The following SOX5 variants were observed in gnomAD, a reference collection of about 807,000 sequenced individuals.
The protein encoded by SOX5 is SRY-box transcription factor 5.
SOX5 carries 9 observed loss-of-function variants against 92.0 expected under a neutral mutation model. The observed-to-expected ratio is 0.10, with a 90% CI of 0.06 to 0.17. SOX5 has a LOEUF of 0.17. Ranked by LOEUF, SOX5 falls within the 10% of genes least tolerant of loss-of-function variation. SOX5 has a pLI of 1.00. For missense variants in SOX5, 642 were observed against 944.5 expected, an observed-to-expected ratio of 0.68 and a Z score of 4.20; for synonymous variants, 344 against 336.3, an observed-to-expected ratio of 1.02 and a Z score of -0.25.
chr12:24,211,991 T>C (rs1273120477), intron 4 of SOX5, among the ~76,000 whole-genome samples: 1 of 152,224 alleles, frequency 6.6e-6, no homozygotes, highest in African/African-American at 2.4e-5. Flanking sequence ...AAACTAAAAA[T>C]TTGGGAATGT....
chr12:24,006,566 G>C (rs1225487194), intron 4 of SOX5, among the ~76,000 whole-genome samples: 4 of 151,988 alleles, frequency 2.6e-5, no homozygotes, highest in Non-Finnish European at 4.4e-5. Context: ...CCTGTGTTCT[G>C]TGCCTGGACC....
intron 12 of SOX5, among the ~76,000 whole-genome samples, chr12:23,544,338 C>T (rs1428270782): frequency 6.6e-6 from 1 of 152,138 alleles, no homozygotes; most frequent in Admixed American, 6.6e-5. Context: ...ATAAGGAGAA[C>T]CAGTAGAACT....
chr12:24,340,073 T>C (rs892578770), intron 2 of SOX5, among the ~76,000 whole-genome samples: 1 of 152,200 alleles, frequency 6.6e-6, no homozygotes, highest in Non-Finnish European at 1.5e-5. Context: ...CATCAGCCCA[T>C]GTCCAGTCCT....
chr12:23,731,275 G>C (rs953455110), intron 6 of SOX5, among the ~76,000 whole-genome samples: 14 of 152,132 alleles, frequency 9.2e-5, no homozygotes, highest in Non-Finnish European at 1.6e-4. Flanking sequence ...GCCTCCCAGG[G>C]TCTCCAGCTT....
chr12:24,049,645 T>G (rs1027943228), intron 4 of SOX5, among the ~76,000 whole-genome samples: 3 of 9,560 alleles, frequency 3.1e-4, no homozygotes, highest in Admixed American at 1.5e-3. Context: ...ATAGTTTTTT[T>G]TTTTTTTTTT....
intron 1 of SOX5, among the ~76,000 whole-genome samples, chr12:24,386,148 A>C (rs1208154480): frequency 6.6e-6 from 1 of 152,090 alleles, no homozygotes; most frequent in Non-Finnish European, 1.5e-5. Context: ...GAGGAAAAAA[A>C]TTGGTTCCAT....
At chr12:24,351,634 C>T (rs1452548135) in intron 2 of SOX5, among the ~76,000 whole-genome samples, 1 of 152,184 alleles carries the variant, frequency 6.6e-6, no homozygotes, top group Non-Finnish European at 1.5e-5. Flanking sequence ...TGAATGAACA[C>T]ATTACCCAGT....
intron 1 of SOX5, among the ~76,000 whole-genome samples, chr12:24,488,017 G>A (rs1349778150): frequency 1.3e-5 from 2 of 152,090 alleles, no homozygotes; most frequent in African/African-American, 4.8e-5. Context: ...ACACAGTAGA[G>A]GAAAACTATA....
intron 4 of SOX5, among the ~76,000 whole-genome samples, chr12:23,970,234 T>C (rs1366338942): frequency 6.6e-6 from 1 of 151,920 alleles, no homozygotes; most frequent in East Asian, 1.9e-4. Context: ...TGACTTCTTT[T>C]TTTTTTGGTT....
intron 4 of SOX5, among the ~76,000 whole-genome samples, chr12:24,000,800 CTG>C (rs1403187415): frequency 6.6e-6 from 1 of 151,954 alleles, no homozygotes; most frequent in East Asian, 1.9e-4. Context: ...TATATGCTGA[CTG>C]TAAGAAATAC....
chr12:23,893,686 T>C (rs1220459925), intron 2 of SOX5, among the ~76,000 whole-genome samples: 1 of 152,186 alleles, frequency 6.6e-6, no homozygotes, highest in Non-Finnish European at 1.5e-5. Flanking sequence ...AATTAGATAC[T>C]TTCTGAAAGA....
chr12:23,620,767 T>C (rs2077078021), intron 8 of SOX5, among the ~76,000 whole-genome samples: 1 of 152,106 alleles, frequency 6.6e-6, no homozygotes, highest in Non-Finnish European at 1.5e-5. Flanking sequence ...TCATTTTCAA[T>C]TGCACAGGAC....
chr12:24,310,135 G>A (rs546589564), intron 2 of SOX5, among the ~76,000 whole-genome samples: 198 of 152,204 alleles, frequency 1.3e-3, no homozygotes, highest in Middle Eastern at 3.4e-3. Context: ...TTTACATGTC[G>A]TAAATAGTTT....
At chr12:24,067,970 C>T (rs529276675) in intron 4 of SOX5, among the ~76,000 whole-genome samples, 46 of 150,414 alleles carry the variant, frequency 3.1e-4, no homozygotes, top group African/African-American at 1.0e-3. Flanking sequence ...CACGGTGAAA[C>T]CCCGTCTCTA....
intron 4 of SOX5, among the ~76,000 whole-genome samples, chr12:24,090,756 T>C (rs985437455): frequency 5.9e-5 from 9 of 152,180 alleles, no homozygotes; most frequent in Non-Finnish European, 1.3e-4. Flanking sequence ...GATGACACAA[T>C]GTAGGCATCC....
intron 6 of SOX5, among the ~76,000 whole-genome samples, chr12:23,713,334 G>T (rs1408773934): frequency 6.6e-6 from 1 of 152,164 alleles, no homozygotes; most frequent in Admixed American, 6.5e-5. Context: ...CCATAATTGT[G>T]AGGGAATAAA....
chr12:23,959,220 G>A (rs1946618532), intron 4 of SOX5, among the ~76,000 whole-genome samples: 1 of 151,364 alleles, frequency 6.6e-6, no homozygotes, highest in African/African-American at 2.4e-5. Flanking sequence ...TTTTGCAAAA[G>A]AAAAAGAATG....
chr12:24,318,457 G>A (rs940455209), intron 2 of SOX5, among the ~76,000 whole-genome samples: 2 of 152,156 alleles, frequency 1.3e-5, no homozygotes, highest in Non-Finnish European at 2.9e-5. Flanking sequence ...ATGAGCCTGT[G>A]TTCTTGAAAT....
At chr12:24,311,328 T>C (rs1316956060) in intron 2 of SOX5, among the ~76,000 whole-genome samples, 1 of 152,234 alleles carries the variant, frequency 6.6e-6, no homozygotes, top group Non-Finnish European at 1.5e-5. Flanking sequence ...TTTTGAGCCA[T>C]CATTTCTGAA....
Sources: gnomAD v4.1 joint callset for allele counts (sites outside exome capture counted in the v4.1 genomes callset) on GRCh38, gnomAD v4.1.1 for gene constraint, MANE v1.5 for transcripts, NCBI Gene and HGNC (gene_info 2026-07-23, HGNC 2026-07-21) for gene names.